Variants in KLHL7 observed in about 807,000 individuals in gnomAD.
The protein encoded by KLHL7 is kelch like family member 7.
KLHL7 carries 44 observed loss-of-function variants against 67.4 expected under a neutral mutation model. That is an observed-to-expected ratio of 0.65 (90% CI 0.51 to 0.84). The LOEUF (loss-of-function observed/expected upper bound fraction) is 0.84, where lower values mean the gene tolerates loss of function less well. KLHL7 is among the 40% of genes least tolerant of loss of function. KLHL7 has a pLI of 0.00. For synonymous variants in KLHL7, 252 were observed against 243.3 expected, an observed-to-expected ratio of 1.04 and a Z score of -0.33; for missense variants, 362 against 718.1, an observed-to-expected ratio of 0.50 and a Z score of 5.67.
At chr7:23,116,073 T>C (rs1323126878) in intron 1 of KLHL7, among the ~76,000 whole-genome samples, 1 of 152,244 alleles carries the variant, frequency 6.6e-6, no homozygotes, top group African/African-American at 2.4e-5. Context: ...GTGATTTACA[T>C]TTGTAGCCAG....
intron 6 of KLHL7, among the ~76,000 whole-genome samples, chr7:23,148,837 C>T (rs1784444075): frequency 6.6e-6 from 1 of 152,202 alleles, no homozygotes; most frequent in African/African-American, 2.4e-5. Flanking sequence ...GTTTAACTTA[C>T]TAGGCTTATT....
chr7:23,168,064 A>G (rs753568302), intron 9 of KLHL7, 27 bp downstream of exon 9: 2 of 1,593,322 alleles, frequency 1.3e-6, no homozygotes, highest in South Asian at 1.1e-5. Flanking sequence ...AATTTATTTT[A>G]CAGTTAACTG....
At chr7:23,131,880 C>T (rs1395462519) in intron 4 of KLHL7, among the ~76,000 whole-genome samples, 1 of 151,836 alleles carries the variant, frequency 6.6e-6, no homozygotes, top group Non-Finnish European at 1.5e-5. Context: ...TTTTAGATCC[C>T]ACAAATAAAC....
intron 1 of KLHL7, among the ~76,000 whole-genome samples, chr7:23,113,632 A>G (rs931537228): frequency 2.0e-5 from 3 of 152,194 alleles, no homozygotes; most frequent in Admixed American, 6.5e-5. Context: ...GGAGTTCACG[A>G]CTAACCTGGC....
chr7:23,135,084 T>A (rs1161878755), intron 4 of KLHL7, among the ~76,000 whole-genome samples: 1 of 152,194 alleles, frequency 6.6e-6, no homozygotes, highest in Non-Finnish European at 1.5e-5. Context: ...ATAAATTCCC[T>A]CTTAGTACTG....
chr7:23,108,286 T>C (rs557011657), intron 1 of KLHL7, among the ~76,000 whole-genome samples: 7 of 152,222 alleles, frequency 4.6e-5, no homozygotes, highest in Non-Finnish European at 1.0e-4. Flanking sequence ...GGTCATTCCA[T>C]CTCTCTGTAG....
chr7:23,118,207 A>G (rs1783178762), intron 1 of KLHL7, among the ~76,000 whole-genome samples: 1 of 152,220 alleles, frequency 6.6e-6, no homozygotes, highest in South Asian at 2.1e-4. Context: ...AGCCTTTACT[A>G]GAACCAAAGG....
rs186160178 is a variant in KLHL7, at chr7:23,122,603, A to G, written c.121-1174A>G. Reference sequence around the variant, plus strand: ...ATATAAGTTTTAAGCAATAGTCAATACTAGGCCTTATTTGAAAATCTTCAA... The same window carrying G: ...ATATAAGTTTTAAGCAATAGTCAATGCTAGGCCTTATTTGAAAATCTTCAA... On this transcript the variant is annotated intron_variant, in intron 1 of 10. Coordinates refer to ENST00000339077, the MANE Select transcript of KLHL7 (RefSeq NM_001031710.3). 2.0e-5 allele frequency among the ~76,000 whole-genome samples: 3 copies of G among 152,346 alleles called. No homozygotes were observed. In the East Asian group the frequency reaches 5.8e-4, roughly 29 times the overall value.
At position 23,125,505 on chromosome 7, in the gene KLHL7, T is replaced by G. The variant is rs961522064; in HGVS notation, c.442+333T>G. ...TCCTTTTATTTAAGCACTTATGATA[T>G]GCTAAGGTCTATCACAGATGAGGCA... On this transcript the variant is annotated intron_variant, in intron 4 of 10. Transcript: ENST00000339077. Among the ~76,000 whole-genome samples the G allele has an allele frequency of 3.9e-5, 6 of 152,312 alleles. No homozygotes were observed. The South Asian group carries it at 1.2e-3, about 32-fold the overall frequency.
chr7:23,152,949 T>A lies in KLHL7; in HGVS notation c.936+740T>A, dbSNP rs537333918. On this transcript the variant is annotated intron_variant, in intron 7 of 10. Transcript: ENST00000339077. ...ATAACACCCCAAACTTGCAAGGTGATATCCATAAGTGGTGCTGAATCCAAA... is the reference window on the plus strand; with the variant it reads ...ATAACACCCCAAACTTGCAAGGTGAAATCCATAAGTGGTGCTGAATCCAAA... Among the ~76,000 whole-genome samples the A allele has an allele frequency of 6.2e-4, 94 of 152,330 alleles. 1 individual carries two copies. Among genetic ancestry groups the A allele is most frequent in the Middle Eastern group, 3.4e-3 (1 of 294 alleles).
intron 10 of KLHL7, among the ~76,000 whole-genome samples, 195 bp downstream of exon 10, chr7:23,173,240 G>C (rs566540453): frequency 6.6e-6 from 1 of 152,056 alleles, no homozygotes; most frequent in African/African-American, 2.4e-5. Flanking sequence ...ATGAAATGTC[G>C]CAGTAGTCAC....
intron 6 of KLHL7, 84 bp downstream of exon 6, chr7:23,144,109 C>T: frequency 4.4e-6 from 5 of 1,147,888 alleles, no homozygotes; most frequent in Non-Finnish European, 6.5e-6. Context: ...GGATTAGACT[C>T]AGTAGCCAGG....
At chr7:23,166,784 C>T (rs180734512) in intron 8 of KLHL7, among the ~76,000 whole-genome samples, 67 of 152,206 alleles carry the variant, frequency 4.4e-4, no homozygotes, top group Admixed American at 2.4e-3. Context: ...AGATGATAGA[C>T]GGTAACTGTT....
chr7:23,137,349 C>G (rs186419142), intron 4 of KLHL7, among the ~76,000 whole-genome samples: 8 of 152,164 alleles, frequency 5.3e-5, no homozygotes, highest in African/African-American at 1.7e-4. Context: ...CTTGGAAAAA[C>G]TAAAGCTAAG....
In KLHL7 at chr7:23,158,574, A is replaced by T. The variant is rs537892466; in HGVS notation, c.936+6365A>T. On this transcript the variant is annotated intron_variant, in intron 7 of 10. Coordinates refer to ENST00000339077, the MANE Select transcript of KLHL7 (RefSeq NM_001031710.3). ...TAATTATCCTTACCTGTTACTAACA[A>T]CAGAGTGTGTTGTATGGTTAGCTGG... 8.5e-5 allele frequency among the ~76,000 whole-genome samples: 13 copies of T among 152,346 alleles called. No individual in the cohort carries two copies. In the East Asian group the frequency reaches 2.3e-3, roughly 27 times the overall value.
intron 4 of KLHL7, chr7:23,126,020 A>G: frequency 1.4e-6 from 1 of 707,038 alleles, no homozygotes; most frequent in Non-Finnish European, 2.5e-6. Context: ...ATTAACAACA[A>G]TAATAATAAA....
intron 1 of KLHL7, among the ~76,000 whole-genome samples, chr7:23,109,309 T>A (rs963578414): frequency 6.6e-6 from 1 of 152,230 alleles, no homozygotes; most frequent in African/African-American, 2.4e-5. Context: ...TTGCTTAGAT[T>A]AATGTTATTA....
Position 23,128,626 on chromosome 7 carries a change from A to G in KLHL7, c.442+3454A>G, listed in dbSNP as rs552444031. ...TAGATAGTGGTGACTGTGGTACAACATTGCAAATGTAGTAAATGTCACGGT... is the reference window on the plus strand; with the variant it reads ...TAGATAGTGGTGACTGTGGTACAACGTTGCAAATGTAGTAAATGTCACGGT... On this transcript the variant is annotated intron_variant, in intron 4 of 10. Coordinates refer to ENST00000339077, the MANE Select transcript of KLHL7 (RefSeq NM_001031710.3). Among the ~76,000 whole-genome samples the G allele has an allele frequency of 6.6e-5, 10 of 152,152 alleles. No individual in the cohort carries two copies. The South Asian group carries it at 2.1e-3, about 32-fold the overall frequency.
At chr7:23,127,071 C>A (rs1783600643) in intron 4 of KLHL7, among the ~76,000 whole-genome samples, 2 of 152,108 alleles carry the variant, frequency 1.3e-5, no homozygotes, top group Admixed American at 6.5e-5. Context: ...AAATAATTAT[C>A]TTCAGACAAT....
Sources: gnomAD v4.1 joint callset for allele counts (sites outside exome capture counted in the v4.1 genomes callset) on GRCh38, gnomAD v4.1.1 for gene constraint, MANE v1.5 for transcripts, NCBI Gene and HGNC (gene_info 2026-07-23, HGNC 2026-07-21) for gene names.